CHPT1: variants seen among roughly 807,000 people sequenced by gnomAD.
The protein encoded by CHPT1 is choline phosphotransferase 1.
CHPT1 carries 36 observed loss-of-function variants against 47.6 expected under a neutral mutation model. The ratio of observed to expected loss-of-function variants is 0.76; its 90% CI spans 0.58 to 1.00. CHPT1 has a LOEUF of 1.00. Among genes scored for constraint, CHPT1 ranks in the 50% least tolerant of loss-of-function variants. CHPT1 has a pLI of 0.00. For synonymous variants in CHPT1, 194 were observed against 186.3 expected, an observed-to-expected ratio of 1.04 and a Z score of -0.33; for missense variants, 458 against 498.1, an observed-to-expected ratio of 0.92 and a Z score of 0.77.
Position 101,716,814 on chromosome 12 carries a change from TA to T in CHPT1, c.648+5del. On this transcript the variant is annotated splice_donor_region_variant and intron_variant, in intron 4 of 8. Coordinates refer to ENST00000229266, the MANE Select transcript of CHPT1 (RefSeq NM_020244.3). The stretch of plus-strand genomic sequence containing the variant: ...GGAGCAACAATGTGGGACTATACGG[TA>T]AATCTGAATATTTAAATTTATATTT... The T allele has an allele frequency of 6.6e-7, 1 of 1,518,172 alleles. No homozygotes were observed. The highest frequency in any genetic ancestry group is 9.0e-7 in the Non-Finnish European group (1 of 1,117,024). 94.0% of individuals were successfully genotyped at this position (1,518,172 alleles called of 1,614,324 possible). A position where few individuals can be genotyped will look rare whatever the true frequency, so the allele number is the denominator to read the frequency against.
rs1361431329 is a variant in CHPT1 at position 101,714,164 on chromosome 12, A to G, written c.348A>G (p.Lys116=). ...IYQSLDAIDG[K]QARRTNSCSP... is the part of the protein sequence containing the mutation. Reference sequence around the variant, plus strand: ...AGTCACTGGATGCTATTGATGGGAAACAAGCCAGAAGAACAAACTCTTGTT... The same window carrying G: ...AGTCACTGGATGCTATTGATGGGAAGCAAGCCAGAAGAACAAACTCTTGTT... The change falls in exon 2 of 9, where the codon AAA becomes AAG. Residue 116 remains lysine (K), a synonymous_variant. Transcript: ENST00000229266. The G allele has an allele frequency of 1.2e-6, 2 of 1,613,122 alleles. No homozygotes were observed. The highest frequency in any genetic ancestry group is 1.7e-6 in the Non-Finnish European group (2 of 1,179,306).
intron 1 of CHPT1, among the ~76,000 whole-genome samples, chr12:101,702,977 T>G (rs1951575436): frequency 1.3e-5 from 2 of 152,160 alleles, no homozygotes; most frequent in African/African-American, 4.8e-5. Context: ...AAGGAGACTC[T>G]TCAGATAATG....
At chr12:101,716,089 T>C (rs1432573279) in intron 3 of CHPT1, among the ~76,000 whole-genome samples, 1 of 152,122 alleles carries the variant, frequency 6.6e-6, no homozygotes, top group African/African-American at 2.4e-5. Context: ...AAATTACAAA[T>C]GTTGACTAAT....
chr12:101,714,868 C>A (rs886866776), intron 3 of CHPT1: 1 of 366,210 alleles, frequency 2.7e-6, no homozygotes. Flanking sequence ...CTCCTCTTCT[C>A]CAACTTAATC....
At chr12:101,712,412 T>C (rs1408558020) in intron 1 of CHPT1, among the ~76,000 whole-genome samples, 2 of 148,900 alleles carry the variant, frequency 1.3e-5, no homozygotes, top group African/African-American at 2.4e-5. Flanking sequence ...TTGGGGTTTG[T>C]TGAGCTTCTT....
intron 3 of CHPT1, among the ~76,000 whole-genome samples, chr12:101,715,907 TA>T (rs1951757437): frequency 6.6e-6 from 1 of 152,160 alleles, no homozygotes; most frequent in African/African-American, 2.4e-5. Flanking sequence ...ATCAGCATCT[TA>T]AATATTGTAA....
chr12:101,712,384 A>C (rs1293831813), intron 1 of CHPT1, among the ~76,000 whole-genome samples: 1 of 148,764 alleles, frequency 6.7e-6, no homozygotes, highest in African/African-American at 2.4e-5. Context: ...ATGGGTGTTT[A>C]AAAAATATTT....
chr12:101,728,348 G>T (rs889535298), intron 8 of CHPT1: 1 of 151,956 alleles, frequency 6.6e-6, no homozygotes, highest in African/African-American at 2.5e-5. Context: ...GCCCAATGAA[G>T]TGACATTATG....
chr12:101,706,124 G>A (rs1488208831), intron 1 of CHPT1, among the ~76,000 whole-genome samples: 1 of 151,772 alleles, frequency 6.6e-6, no homozygotes, highest in East Asian at 2.0e-4. Context: ...GGCCTAGGTG[G>A]GTGGATCTCA....
chr12:101,697,715 A>T lies in CHPT1; in HGVS notation c.-147A>T. The T allele has an allele frequency of 5.3e-6, 1 of 190,004 alleles. No homozygotes were observed. Among genetic ancestry groups the T allele is most frequent in the Non-Finnish European group, 1.0e-5 (1 of 99,594 alleles). 11.8% of individuals were successfully genotyped at this position (190,004 alleles called of 1,614,324 possible). ...CCCGGCAGCCGGGCAGGCCGGCCTG[A>T]CCTCGACCTCCGCCGTGCGGGCCCG... is the stretch of plus-strand genomic sequence containing the variant. On this transcript the variant is annotated 5_prime_UTR_variant, in exon 1 of 9. Transcript: ENST00000229266.
chr12:101,722,384 A>G (rs1025192512), intron 5 of CHPT1, among the ~76,000 whole-genome samples: 11 of 152,212 alleles, frequency 7.2e-5, no homozygotes. Context: ...TTGGTTATAG[A>G]TTTAATAACC....
At chr12:101,720,097 A>G in intron 4 of CHPT1, 26 bp from the exon 5 acceptor site, 1 of 1,540,692 alleles carries the variant, frequency 6.5e-7, no homozygotes, top group Admixed American at 2.1e-5. Context: ...TGTTGTCTTA[A>G]TTGTTTCTTT....
At chr12:101,708,652 A>AACTTAT in intron 1 of CHPT1, among the ~76,000 whole-genome samples, 6 of 123,794 alleles carry the variant, frequency 4.8e-5, no homozygotes, top group Middle Eastern at 5.1e-3. Context: ...CTGTTGCCCC[A>AACTTAT]GCTGGAGTGC....
chr12:101,716,902 G>T, intron 4 of CHPT1, 90 bp downstream of exon 4: 11 of 760,284 alleles, frequency 1.4e-5, no homozygotes, highest in South Asian at 9.0e-5. Context: ...AAAATCCTTG[G>T]CATTGTATTT....
chr12:101,726,484 C>T (rs1951947287), intron 8 of CHPT1, 80 bp downstream of exon 8: 1 of 1,565,460 alleles, frequency 6.4e-7, no homozygotes, highest in South Asian at 1.2e-5. Flanking sequence ...GAAGGAAATC[C>T]CCCTGTGCAG....
At position 101,697,847 on chromosome 12, in the gene CHPT1, G is replaced by A. The variant is rs1161169917; in HGVS notation, c.-15G>A. 13 of 1,074,936 alleles carry A rather than the reference G, an allele frequency of 1.2e-5. No homozygotes were observed. The highest frequency in any genetic ancestry group is 1.7e-5 in the African/African-American group (1 of 59,342). The allele number at this position is 1,074,936 out of a possible 1,614,324, so 66.6% of individuals were successfully genotyped here. On this transcript the variant is annotated 5_prime_UTR_variant, in exon 1 of 9. Coordinates refer to ENST00000229266, the MANE Select transcript of CHPT1 (RefSeq NM_020244.3). ...GGGCTGCGCTCGGTGGCGGCGGCGG[G>A]GCCCTCAGGCGGCCATGGCGGCAGG...
chr12:101,707,703 C>T (rs1039193004), intron 1 of CHPT1, among the ~76,000 whole-genome samples: 2 of 152,052 alleles, frequency 1.3e-5, no homozygotes, highest in African/African-American at 4.8e-5. Context: ...AAAGGGAAGA[C>T]TTAATTTTGG....
intron 1 of CHPT1, among the ~76,000 whole-genome samples, chr12:101,709,029 A>C (rs1951670280): frequency 6.7e-6 from 1 of 148,906 alleles, no homozygotes; most frequent in South Asian, 2.1e-4. Flanking sequence ...CCTTACATTT[A>C]ACTTTTTTGA....
At position 101,709,907 on chromosome 12, in the gene CHPT1, A is replaced by G. The variant is rs778973585; in HGVS notation, c.274-4183A>G. ...AAGGGCAAGTCGGAAGACCCGATCT[A>G]GTTCCTGGACCCAGCCTAAGTGCTT... On this transcript the variant is annotated intron_variant, in intron 1 of 8. Coordinates refer to ENST00000229266, the MANE Select transcript of CHPT1 (RefSeq NM_020244.3). Among the ~76,000 whole-genome samples the G allele has an allele frequency of 8.1e-5, 12 of 148,958 alleles. 1 individual carries two copies. Among genetic ancestry groups the G allele is most frequent in the Non-Finnish European group, 1.8e-4 (12 of 66,542 alleles).
Sources: allele counts gnomAD v4.1 joint callset (sites outside exome capture counted in the v4.1 genomes callset), GRCh38; gene constraint gnomAD v4.1.1; transcripts MANE v1.5; gene names NCBI Gene and HGNC (gene_info 2026-07-23, HGNC 2026-07-21).